The following YPEL2 variants were observed in gnomAD, a reference collection of about 807,000 sequenced individuals.
The protein encoded by YPEL2 is protein yippee-like 2.
YPEL2 carries 2 observed loss-of-function variants against 19.1 expected under a neutral mutation model. That is an observed-to-expected ratio of 0.10 (90% CI 0.04 to 0.33). YPEL2 has a LOEUF of 0.33. Ranked by LOEUF, YPEL2 falls within the 10% of genes least tolerant of loss-of-function variation. The probability of loss-of-function intolerance (pLI) is 1.00; values close to 1 mark genes in which losing one functional copy is unlikely to be tolerated. For missense variants in YPEL2, 66 were observed against 140.7 expected, an observed-to-expected ratio of 0.47 and a Z score of 2.68; for synonymous variants, 52 against 50.0, an observed-to-expected ratio of 1.04 and a Z score of -0.17.
rs144570792 is a variant in YPEL2 at position 59,347,161 on chromosome 17, A to G, written c.-195-6054A>G. Among the ~76,000 whole-genome samples, 14 of 152,360 alleles carry G rather than the reference A, an allele frequency of 9.2e-5. No homozygotes were observed. The East Asian group carries it at 2.7e-3, about 29-fold the overall frequency. On this transcript the variant is annotated intron_variant, in intron 1 of 4. Transcript: ENST00000312655. The stretch of plus-strand genomic sequence containing the variant: ...TTCTACTAACTTAGTTCATCCTCAT[A>G]TGAGCCCTATGAAGTAGATATTATT...
At chr17:59,375,906 T>C (rs2047918118) in intron 2 of YPEL2, among the ~76,000 whole-genome samples, 1 of 152,036 alleles carries the variant, frequency 6.6e-6, no homozygotes, top group Non-Finnish European at 1.5e-5. Flanking sequence ...TCTAGAAAAA[T>C]TTTGGGACTT....
At chr17:59,387,488 A>G (rs553724517) in intron 2 of YPEL2, among the ~76,000 whole-genome samples, 38 of 152,018 alleles carry the variant, frequency 2.5e-4, no homozygotes, top group Non-Finnish European at 4.9e-4. Flanking sequence ...AGACCACATT[A>G]AAAATGCAGG....
intron 2 of YPEL2, among the ~76,000 whole-genome samples, chr17:59,357,318 G>A (rs2047817868): frequency 6.8e-6 from 1 of 146,252 alleles, no homozygotes; most frequent in Non-Finnish European, 1.5e-5. Context: ...GCACAAGATT[G>A]GATATGAGAA....
chr17:59,351,376 T>TA (rs1861699599), intron 1 of YPEL2, among the ~76,000 whole-genome samples: 1 of 151,748 alleles, frequency 6.6e-6, no homozygotes, highest in Non-Finnish European at 1.5e-5. Context: ...GACTCTGTCT[T>TA]AAAAAAGAAA....
intron 2 of YPEL2, among the ~76,000 whole-genome samples, chr17:59,381,472 T>C (rs1432625674): frequency 6.6e-6 from 1 of 152,226 alleles, no homozygotes; most frequent in Non-Finnish European, 1.5e-5. Context: ...GGTGAGGACC[T>C]GTATCTATCA....
At chr17:59,362,405 A>G (rs1272621527) in intron 2 of YPEL2, among the ~76,000 whole-genome samples, 2 of 152,268 alleles carry the variant, frequency 1.3e-5, no homozygotes, top group East Asian at 1.9e-4. Flanking sequence ...TGATCTGGGC[A>G]CACATAGAGT....
intron 2 of YPEL2, among the ~76,000 whole-genome samples, chr17:59,369,567 T>A (rs2047886580): frequency 6.6e-6 from 1 of 152,198 alleles, no homozygotes; most frequent in Non-Finnish European, 1.5e-5. Context: ...AATTTCATGT[T>A]CCAGCCTTCT....
chr17:59,349,113 G>A (rs893191368), intron 1 of YPEL2, among the ~76,000 whole-genome samples: 2 of 142,312 alleles, frequency 1.4e-5, no homozygotes, highest in African/African-American at 5.3e-5. Flanking sequence ...GGCAGAGCTT[G>A]CAGTGAGCCG....
intron 2 of YPEL2, among the ~76,000 whole-genome samples, chr17:59,384,776 G>C (rs2047972156): frequency 1.3e-5 from 2 of 152,214 alleles, no homozygotes; most frequent in Non-Finnish European, 2.9e-5. Flanking sequence ...TCACAATGTT[G>C]CCTGTCTCCC....
intron 2 of YPEL2, among the ~76,000 whole-genome samples, chr17:59,373,236 G>A (rs574880366): frequency 1.3e-5 from 2 of 152,266 alleles, no homozygotes; most frequent in South Asian, 2.1e-4. Context: ...GTTATTCTCC[G>A]TAGGAAAGAG....
At chr17:59,332,258 G>A (rs2047674759) in intron 1 of YPEL2, among the ~76,000 whole-genome samples, 1 of 152,122 alleles carries the variant, frequency 6.6e-6, no homozygotes, top group South Asian at 2.1e-4. Context: ...TCGTGACGCC[G>A]CGTTTCCCTC....
In YPEL2 at chr17:59,401,406, A is replaced by T. The variant is rs2048070499; in HGVS notation, c.*4216A>T. The T allele has an allele frequency of 6.6e-6, 1 of 152,660 alleles. No homozygotes were observed. The highest frequency in any genetic ancestry group is 2.1e-4 in the South Asian group (1 of 4,834). 9.5% of individuals were successfully genotyped at this position (152,660 alleles called of 1,614,324 possible). A position where few individuals can be genotyped will look rare whatever the true frequency, so the allele number is the denominator to read the frequency against. On this transcript the variant is annotated 3_prime_UTR_variant, in exon 5 of 5. Coordinates refer to ENST00000312655, the MANE Select transcript of YPEL2 (RefSeq NM_001005404.4). ...TCATGTTACCAAATTCTATCTGCGC[A>T]TATGTTTTTGTATAACATTTCGGTG...
chr17:59,341,078 A>G (rs2047727263), intron 1 of YPEL2, among the ~76,000 whole-genome samples: 3 of 145,642 alleles, frequency 2.1e-5, no homozygotes, highest in African/African-American at 7.6e-5. Flanking sequence ...TAATCCCAGT[A>G]CTTTGAGATG....
intron 2 of YPEL2, among the ~76,000 whole-genome samples, chr17:59,370,982 C>T (rs965748371): frequency 2.0e-5 from 3 of 151,992 alleles, no homozygotes; most frequent in African/African-American, 7.3e-5. Context: ...CATGTGTGCC[C>T]CCACCTTACT....
chr17:59,342,058 G>A (rs991661246), intron 1 of YPEL2, among the ~76,000 whole-genome samples: 4 of 152,180 alleles, frequency 2.6e-5, no homozygotes, highest in African/African-American at 4.8e-5. Context: ...TTCCAATTGC[G>A]GAAAGGCGGG....
intron 1 of YPEL2, among the ~76,000 whole-genome samples, chr17:59,335,149 A>G (rs2047692607): frequency 6.6e-6 from 1 of 152,200 alleles, no homozygotes; most frequent in African/African-American, 2.4e-5. Flanking sequence ...CAGGCTAAAG[A>G]TATTTTTTAG....
At chr17:59,383,309 ATAGTCTAGGCCG>A (rs1417816791) in intron 2 of YPEL2, among the ~76,000 whole-genome samples, 1 of 151,880 alleles carries the variant, frequency 6.6e-6, no homozygotes, top group Non-Finnish European at 1.5e-5. Context: ...TTATAAATAC[ATAGTCTAGGCCG>A]GGCGTGGTGG....
At chr17:59,396,291 T>C (rs766216877) in intron 4 of YPEL2, among the ~76,000 whole-genome samples, 2 of 152,240 alleles carry the variant, frequency 1.3e-5, no homozygotes, top group African/African-American at 2.4e-5. Flanking sequence ...GGCAGTCTTC[T>C]AAGGCTACAG....
intron 1 of YPEL2, among the ~76,000 whole-genome samples, chr17:59,346,328 ATTTG>A (rs919482231): frequency 6.6e-6 from 1 of 152,108 alleles, no homozygotes; most frequent in African/African-American, 2.4e-5. Flanking sequence ...AGAGTTTTTA[ATTTG>A]TTTGTTTTTT....
Sources: allele counts gnomAD v4.1 joint callset (sites outside exome capture counted in the v4.1 genomes callset), GRCh38; gene constraint gnomAD v4.1.1; transcripts MANE v1.5; gene names NCBI Gene and HGNC (gene_info 2026-07-23, HGNC 2026-07-21).